Variants in CLDN5 observed in about 807,000 individuals in gnomAD.
CLDN5 encodes claudin-5.
A neutral mutation model predicts 1.3 loss-of-function variants in CLDN5; 4 were observed. The ratio of observed to expected loss-of-function variants is 3.07; its 90% CI spans 1.51 to 7.03. The LOEUF (loss-of-function observed/expected upper bound fraction) is 7.03. CLDN5 is among the 30% of genes most tolerant of loss of function. The probability of loss-of-function intolerance (pLI) is 0.00; values close to 1 mark genes in which losing one functional copy is unlikely to be tolerated. For missense variants in CLDN5, 225 were observed against 303.5 expected, an observed-to-expected ratio of 0.74 and a Z score of 1.92; for synonymous variants, 156 against 152.3, an observed-to-expected ratio of 1.02 and a Z score of -0.18.
upstream of CLDN5, chr22:19,524,905 G>A: frequency 9.5e-7 from 1 of 1,057,410 alleles, no homozygotes; most frequent in South Asian, 4.6e-5. Flanking sequence ...CGGGGTCCAA[G>A]CCCCACCCAG....
At chr22:19,524,809 A>G (rs2146467187), upstream of CLDN5, 2 of 1,210,020 alleles carry the variant, frequency 1.7e-6, no homozygotes, top group Non-Finnish European at 1.0e-6. Flanking sequence ...AGCCAGCTCC[A>G]CTTCCCTGAC....
chr22:19,524,590 GA>G, upstream of CLDN5: 1 of 1,336,860 alleles, frequency 7.5e-7, no homozygotes, highest in Non-Finnish European at 9.6e-7. Context: ...GAGGGCGCGG[GA>G]CCGCTCCCCG....
upstream of CLDN5, chr22:19,525,138 G>T: frequency 2.0e-6 from 2 of 1,000,572 alleles, no homozygotes; most frequent in Non-Finnish European, 2.4e-6. Context: ...CTCCCAAGCC[G>T]CAGGGGCTTC....
upstream of CLDN5, chr22:19,524,585 C>T (rs1934191231): frequency 7.5e-7 from 1 of 1,341,660 alleles, no homozygotes; most frequent in Non-Finnish European, 9.6e-7. Flanking sequence ...TAGCTGAGGG[C>T]GCGGGACCGC....
upstream of CLDN5, chr22:19,524,621 C>A (rs967473897): frequency 5.9e-6 from 8 of 1,354,222 alleles, no homozygotes; most frequent in African/African-American, 1.2e-4. Context: ...CGCCCCCAGC[C>A]CCACCCGCCG....
Position 19,523,839 on chromosome 22 carries a change from G to A in CLDN5, c.417C>T (p.Phe139=), listed in dbSNP as rs748585889. The change falls in exon 1 of 1, where the codon TTC becomes TTT. Residue 139 remains phenylalanine (F), a synonymous_variant. Transcript: ENST00000618236. ...GLLALVPLCW[F]ANIVVREFYD... is the part of the protein sequence containing the mutation. ...AAAACTCGCGGACGACAATGTTGGCGAACCAGCAGAGTGGCACGAGCGCCA... is the reference window on the plus strand; with the variant it reads ...AAAACTCGCGGACGACAATGTTGGCAAACCAGCAGAGTGGCACGAGCGCCA... 6.2e-7 allele frequency: 1 copy of A among 1,610,032 alleles called. No homozygotes were observed. The highest frequency in any genetic ancestry group is 1.7e-5 in the Admixed American group (1 of 59,600).
chr22:19,523,605 G>T lies in CLDN5; in HGVS notation c.651C>A (p.Tyr217Ter). ...TATGDYDKKN[Y>*]V ...CCGGCCGTGCCCAGCGCCCTCAGAC[G>T]TAGTTCTTCTTGTCGTAGTCGCCGG... The change falls in exon 1 of 1, where the codon TAC becomes TAA. Residue 217 changes from tyrosine to a stop codon, truncating the protein, a stop_gained. Transcript: ENST00000618236. LOFTEE classifies it high-confidence loss of function. 1 of 1,591,124 alleles carries T rather than the reference G, an allele frequency of 6.3e-7. No individual in the cohort carries two copies. Among genetic ancestry groups the T allele is most frequent in the Non-Finnish European group, 8.5e-7 (1 of 1,171,820 alleles).
rs1202017889 is a variant in CLDN5, at chr22:19,523,979, C to G, written c.277G>C (p.Val93Leu). The change falls in exon 1 of 1, where the codon GTT (valine) becomes CTT (leucine). Residue 93 changes from valine (V) to leucine (L), a missense_variant. Physicochemically the swap from Val to Leu is conservative, Grantham distance 32. This residue lies in a region of CLDN5 where 165 missense variants were observed against 211.9 expected (regional missense o/e 0.78). Transcript: ENST00000618236. ...LTVSAVLLAF[V>L]ALFVTLAGAQ... Reference sequence around the variant, plus strand: ...CCCGCCAGGGTCACGAAGAGCGCAACGAACGCCAGCAGCACGGCGCTCACG... The same window carrying G: ...CCCGCCAGGGTCACGAAGAGCGCAAGGAACGCCAGCAGCACGGCGCTCACG... 1.1e-5 allele frequency: 18 copies of G among 1,588,220 alleles called. No homozygotes were observed. In the East Asian group the frequency reaches 3.6e-4, roughly 32 times the overall value.
Position 19,524,377 on chromosome 22 carries a change from GC to G in CLDN5, c.-123del. ...CCCGGCTCTTGGCCCCAGTCCGTTT[GC>G]CCCGCGGGTCTGTCGCACCTCCTGG... is the stretch of plus-strand genomic sequence containing the variant. On this transcript the variant is annotated 5_prime_UTR_variant, in exon 1 of 1. Transcript: ENST00000618236. The G allele has an allele frequency of 6.8e-6, 10 of 1,468,538 alleles. No individual in the cohort carries two copies. The highest frequency in any genetic ancestry group is 8.1e-6 in the Non-Finnish European group (9 of 1,109,164). 91.0% of individuals were successfully genotyped at this position (1,468,538 alleles called of 1,614,324 possible). A position where few individuals can be genotyped will look rare whatever the true frequency, so the allele number is the denominator to read the frequency against.
rs775207755 is a variant in CLDN5, at chr22:19,524,184, C to A, written c.72G>T (p.Ala24=). 6.2e-7 allele frequency: 1 copy of A among 1,609,890 alleles called. No individual in the cohort carries two copies. Among genetic ancestry groups the A allele is most frequent in the South Asian group, 1.1e-5 (1 of 90,550 alleles). Reference sequence around the variant, plus strand: ...TCACCTGCCACATGGGCAGCCCGCACGCCAGGATCAGACCCCCCCAGCCCA... The same window carrying A: ...TCACCTGCCACATGGGCAGCCCGCAAGCCAGGATCAGACCCCCCCAGCCCA... ...CLVGWGGLIL[A]CGLPMWQVTA... is the part of the protein sequence containing the mutation. The change falls in exon 1 of 1, where the codon GCG becomes GCT. Residue 24 remains alanine (A), a synonymous_variant. Transcript: ENST00000618236.
chr22:19,525,281 A>AG (rs1934205610), upstream of CLDN5: 1 of 999,900 alleles, frequency 1.0e-6, no homozygotes, highest in South Asian at 4.7e-5. Context: ...TGTAGCACCC[A>AG]GGGGCAGTGG....
chr22:19,524,840 C>T (rs1934196632), upstream of CLDN5: 2 of 1,162,406 alleles, frequency 1.7e-6, no homozygotes, highest in Non-Finnish European at 2.1e-6. Context: ...AGAAGCCCCC[C>T]ACCCCGTCAC....
chr22:19,523,421 G>T lies in CLDN5; in HGVS notation c.*178C>A. The T allele has an allele frequency of 2.4e-6, 2 of 826,378 alleles. No homozygotes were observed. The highest frequency in any genetic ancestry group is 3.6e-6 in the Non-Finnish European group (2 of 560,056). The allele number at this position is 826,378 out of a possible 1,614,324, so 51.2% of individuals were successfully genotyped here. ...CCGGGCTAGTGGCAGGAGAAGGTCA[G>T]CTGCGGGCGCAGGCAGGAGCGGATC... On this transcript the variant is annotated 3_prime_UTR_variant, in exon 1 of 1. Transcript: ENST00000618236.
chr22:19,524,402 G>A lies in CLDN5; in HGVS notation c.-147C>T, dbSNP rs885985. 0.56 allele frequency: 816,606 copies of A among 1,457,592 alleles called. 233,730 individuals are homozygous for A. The highest frequency in any genetic ancestry group is 0.71 in the South Asian group (49,031 of 68,958). The allele number at this position is 1,457,592 out of a possible 1,614,324, so 90.3% of individuals were successfully genotyped here. On this transcript the variant is annotated 5_prime_UTR_variant, in exon 1 of 1. Coordinates refer to ENST00000618236, the MANE Select transcript of CLDN5 (RefSeq NM_001363066.2). ...GCCCCGCGGGTCTGTCGCACCTCCT[G>A]GGTCTGCCAGCTCCTGCCGGGGGGT...
upstream of CLDN5, chr22:19,524,845 C>T (rs1209466976): frequency 7.0e-6 from 8 of 1,149,952 alleles, no homozygotes; most frequent in South Asian, 1.7e-4. Flanking sequence ...CCCCCCACCC[C>T]GTCACCGCCG....
Position 19,524,042 on chromosome 22 carries a change from C to A in CLDN5, c.214G>T (p.Ala72Ser). 1 of 1,601,712 alleles carries A rather than the reference C, an allele frequency of 6.2e-7. No individual in the cohort carries two copies. The highest frequency in any genetic ancestry group is 8.5e-7 in the Non-Finnish European group (1 of 1,178,996). Residue 72 changes from alanine to serine, a missense_variant, in exon 1 of 1, where the codon GCT becomes TCT. Ala to Ser is a moderately conservative substitution (Grantham distance 99). Coordinates refer to ENST00000618236, the MANE Select transcript of CLDN5 (RefSeq NM_001363066.2). ...GCCGCCTGCACCTCGGTGCTCAGAG[C>A]CAGCACCGAGTCGTACACTTTGCAC... ...MQCKVYDSVL[A>S]LSTEVQAARA... is the part of the protein sequence containing the mutation.
At position 19,523,894 on chromosome 22, in the gene CLDN5, C is replaced by A; in HGVS notation, c.362G>T (p.Gly121Val). 1 of 1,606,448 alleles carries A rather than the reference C, an allele frequency of 6.2e-7. No individual in the cohort carries two copies. Among genetic ancestry groups the A allele is most frequent in the Non-Finnish European group, 8.5e-7 (1 of 1,178,610 alleles). The change falls in exon 1 of 1, where the codon GGA becomes GTA. Residue 121 changes from glycine to valine, a missense_variant. By Grantham distance (109) the Gly-to-Val change is moderately radical. Coordinates refer to ENST00000618236, the MANE Select transcript of CLDN5 (RefSeq NM_001363066.2). ...GPAKARVALT[G>V]GVLYLFCGLL... ...CCCGCAAAACAGGTAGAGCACGCCT[C>A]CCGTGAGGGCCACACGCGCCTTGGC...
At chr22:19,524,741 C>T, upstream of CLDN5, 1 of 1,284,828 alleles carries the variant, frequency 7.8e-7, no homozygotes, top group Non-Finnish European at 9.9e-7. Flanking sequence ...GACCCCCAGT[C>T]TGCACCACCC....
upstream of CLDN5, chr22:19,524,659 T>C (rs955418146): frequency 2.1e-5 from 28 of 1,335,200 alleles, no homozygotes; most frequent in Admixed American, 3.9e-5. Flanking sequence ...GAGCGCATTC[T>C]GGGCTGGCCT....
Sources: gnomAD v4.1 joint callset for allele counts on GRCh38, gnomAD v4.1.1 for gene constraint, gnomAD v4.1.1 regional missense constraint, MANE v1.5 for transcripts, NCBI Gene and HGNC (gene_info 2026-07-23, HGNC 2026-07-21) for gene names.